SMC1A: variants seen among roughly 807,000 people sequenced by gnomAD.
SMC1A encodes the protein structural maintenance of chromosomes 1A, also known as structural maintenance of chromosomes protein 1A.
A neutral mutation model predicts 94.5 loss-of-function variants in SMC1A; 4 were observed. The ratio of observed to expected loss-of-function variants is 0.04; its 90% CI spans 0.02 to 0.10. SMC1A has a LOEUF of 0.10. SMC1A is among the 10% of genes least tolerant of loss of function. The pLI is 1.00. For missense variants in SMC1A, 304 were observed against 989.0 expected (o/e 0.31, Z 9.29); for synonymous variants, 345 against 347.7 (o/e 0.99, Z 0.09).
At chrX:53,387,472 T>C (rs782531742) in intron 19 of SMC1A, among the ~76,000 whole-genome samples, 1 of 112,152 alleles carries the variant, frequency 8.9e-6, no homozygotes, top group Non-Finnish European at 1.9e-5. Context: ...ATTCAAAGTA[T>C]CAATATGAAC....
intron 15 of SMC1A, among the ~76,000 whole-genome samples, chrX:53,400,396 T>C (rs1275742769): frequency 8.9e-6 from 1 of 111,972 alleles, no homozygotes; most frequent in Non-Finnish European, 1.9e-5. Flanking sequence ...TGTTTCCCCA[T>C]CTGCAAAATG....
At chrX:53,411,653 T>G (rs1265242188) in intron 7 of SMC1A, 108 bp downstream of exon 7, 3 of 962,772 alleles carry the variant, frequency 3.1e-6, no homozygotes, top group Admixed American at 2.3e-5. Flanking sequence ...CCAAAATGCT[T>G]AGGACCGGAA....
chrX:53,422,020 G>C (rs782009900), intron 1 of SMC1A: 1 of 1,208,017 alleles, frequency 8.3e-7, no homozygotes, highest in East Asian at 3.0e-5. Flanking sequence ...GTACCAATGC[G>C]AGGCGAGAGA....
intron 1 of SMC1A, among the ~76,000 whole-genome samples, chrX:53,419,040 C>CAAAAAAAAAA (rs34765834): frequency 2.7e-5 from 1 of 36,752 alleles, no homozygotes; most frequent in Admixed American, 3.8e-4. Flanking sequence ...GACTCTGTCT[C>CAAAAAAAAAA]AAAAAAAAAA....
chrX:53,404,989 C>A (rs1556889453), intron 13 of SMC1A, 23 bp downstream of exon 13: 8 of 1,185,931 alleles, frequency 6.7e-6, no homozygotes, highest in Non-Finnish European at 9.0e-6. Context: ...CTTTGGAGAA[C>A]AGGGCTGAAG....
intron 18 of SMC1A, among the ~76,000 whole-genome samples, chrX:53,395,467 C>G (rs1556887890): frequency 8.9e-6 from 1 of 112,557 alleles, no homozygotes. Context: ...TAATGCCTGT[C>G]TGGCAGGTCT....
At chrX:53,403,084 G>A (rs1213210339) in intron 15 of SMC1A, among the ~76,000 whole-genome samples, 1 of 98,016 alleles carries the variant, frequency 1.0e-5, no homozygotes, top group African/African-American at 3.8e-5. Context: ...AGCTACTCAG[G>A]AGGCTGAGGT....
chrX:53,386,314 A>G (rs1175883039), intron 19 of SMC1A, among the ~76,000 whole-genome samples: 1 of 112,215 alleles, frequency 8.9e-6, no homozygotes, highest in African/African-American at 3.2e-5. Flanking sequence ...AAAAGAAACT[A>G]AAGAGACATA....
chrX:53,412,281 G>A (rs1556890638), intron 5 of SMC1A, 28 bp from the exon 6 acceptor site: 14 of 1,205,942 alleles, frequency 1.2e-5, no homozygotes, highest in Non-Finnish European at 1.6e-5. Flanking sequence ...GGGGAAACCA[G>A]TGAGAACTAT....
chrX:53,380,561 T>C, intron 24 of SMC1A, 59 bp downstream of exon 24: 1 of 795,502 alleles, frequency 1.3e-6, no homozygotes, highest in East Asian at 3.2e-5. Flanking sequence ...AGCCTTCCTT[T>C]CCTGCCCTGG....
rs782125344 is a variant in SMC1A, at chrX:53,405,435, C to T, written c.1912-44G>A. 5 of 1,210,744 alleles carry T rather than the reference C, an allele frequency of 4.1e-6. No homozygotes were observed. In the South Asian group the frequency reaches 7.0e-5, roughly 17 times the overall value. On this transcript the variant is annotated intron_variant, in intron 11 of 24. Coordinates refer to ENST00000322213, the MANE Select transcript of SMC1A (RefSeq NM_006306.4). ...AGAGAGAAGAGGGGGAGAAGCTGAACAAATGAATCTCCAGTACTGAGCCTG... is the reference window on the plus strand; with the variant it reads ...AGAGAGAAGAGGGGGAGAAGCTGAATAAATGAATCTCCAGTACTGAGCCTG...
In SMC1A at chrX:53,382,900, G is replaced by A. The variant is rs182737935; in HGVS notation, c.3130+197C>T. ...GCAACCAGCTGTGTGACCTTGAACAGGTCATTTACTCTCCGGGAACCTCAG... is the reference window on the plus strand; with the variant it reads ...GCAACCAGCTGTGTGACCTTGAACAAGTCATTTACTCTCCGGGAACCTCAG... On this transcript the variant is annotated intron_variant, in intron 20 of 24. Transcript: ENST00000322213. 5.4e-5 allele frequency among the ~76,000 whole-genome samples: 6 copies of A among 111,542 alleles called. No homozygotes were observed. In the East Asian group the frequency reaches 1.4e-3, roughly 27 times the overall value.
At chrX:53,397,252 C>T (rs1258378216) in intron 16 of SMC1A, among the ~76,000 whole-genome samples, 1 of 111,643 alleles carries the variant, frequency 9.0e-6, no homozygotes, top group African/African-American at 3.3e-5. Flanking sequence ...CTGATTTTTA[C>T]AAAGGAAAAT....
At chrX:53,422,110 A>AG in intron 1 of SMC1A, 4 of 1,102,759 alleles carry the variant, frequency 3.6e-6, no homozygotes, top group East Asian at 3.0e-5. Flanking sequence ...CATTCTCCGG[A>AG]GGGGGTCAAG....
chrX:53,381,122 G>A, intron 22 of SMC1A, 35 bp from the exon 23 acceptor site: 2 of 947,331 alleles, frequency 2.1e-6, no homozygotes, highest in East Asian at 6.2e-5. Flanking sequence ...TGACACTGAG[G>A]CGGGGAGGGG....
intron 20 of SMC1A, 37 bp from the exon 21 acceptor site, chrX:53,382,697 TG>T: frequency 8.3e-7 from 1 of 1,204,758 alleles, no homozygotes; most frequent in Non-Finnish European, 1.1e-6. Context: ...CTCAGTGCCC[TG>T]GCAAGAAGGA....
intron 16 of SMC1A, 108 bp from the exon 17 acceptor site, chrX:53,396,725 C>T (rs782124845): frequency 2.4e-5 from 21 of 885,864 alleles, no homozygotes; most frequent in East Asian, 3.2e-5. Flanking sequence ...TGGAGTCACT[C>T]GTCAATGAGC....
chrX:53,414,960 T>C (rs2075726480), intron 2 of SMC1A, 21 bp downstream of exon 2: 1 of 1,209,908 alleles, frequency 8.3e-7, no homozygotes, highest in African/African-American at 1.7e-5. Flanking sequence ...CAAGGAGAGC[T>C]TTCTGGCCAG....
chrX:53,415,498 GACA>G (rs1160498762), intron 1 of SMC1A, among the ~76,000 whole-genome samples: 1 of 110,361 alleles, frequency 9.1e-6, no homozygotes, highest in Non-Finnish European at 1.9e-5. Context: ...AACCAGCTTG[GACA>G]ACAAGGCAAA....
Sources: gnomAD v4.1 joint callset for allele counts (sites outside exome capture counted in the v4.1 genomes callset) on GRCh38, gnomAD v4.1.1 for gene constraint, MANE v1.5 for transcripts, NCBI Gene and HGNC (gene_info 2026-07-23, HGNC 2026-07-21) for gene names.